Variants in AGBL1 observed in about 807,000 individuals in gnomAD.
The protein encoded by AGBL1 is cytosolic carboxypeptidase 4.
In AGBL1, 130 loss-of-function variants were observed where a neutral mutation model predicts 118.9. The ratio of observed to expected loss-of-function variants is 1.09; its 90% confidence interval spans 0.95 to 1.26. AGBL1 has a LOEUF of 1.26. Ranked by LOEUF, AGBL1 falls within the 50% of genes most tolerant of loss-of-function variation. AGBL1 has a pLI of 0.00. For synonymous variants in AGBL1, 555 were observed against 478.9 expected (o/e 1.16, Z -2.08); for missense variants, 1,584 against 1,298.1 (o/e 1.22, Z -3.38).
At chr15:86,284,231 T>C (rs1750519864) in intron 16 of AGBL1, among the ~76,000 whole-genome samples, 1 of 151,132 alleles carries the variant, frequency 6.6e-6, no homozygotes, top group African/African-American at 2.4e-5. Flanking sequence ...CCTCAAAAAT[T>C]ACAAAGGCTA....
intron 21 of AGBL1, among the ~76,000 whole-genome samples, chr15:86,625,373 TTTTTTGTTTTTG>T (rs1307122246): frequency 0.026 from 1,197 of 46,300 alleles, 111 homozygotes; most frequent in African/African-American, 0.085. Flanking sequence ...GCGTTTTTTT[TTTTTTGTTTTTG>T]TTTTTTTTTT....
At chr15:86,087,147 T>C (rs565260817) in intron 1 of AGBL1, among the ~76,000 whole-genome samples, 3 of 152,306 alleles carry the variant, frequency 2.0e-5, no homozygotes, top group South Asian at 4.1e-4. Flanking sequence ...ACATATTTGT[T>C]AGTTGAAAGT....
At chr15:86,718,005 GAGGTGGA>G (rs1186602646) in intron 22 of AGBL1, among the ~76,000 whole-genome samples, 1 of 152,202 alleles carries the variant, frequency 6.6e-6, no homozygotes, top group African/African-American at 2.4e-5. Flanking sequence ...TTGAACCTGG[GAGGTGGA>G]GGTTGCAGTA....
intron 21 of AGBL1, among the ~76,000 whole-genome samples, chr15:86,643,407 C>A (rs1401468851): frequency 2.0e-5 from 3 of 152,084 alleles, no homozygotes; most frequent in Non-Finnish European, 4.4e-5. Context: ...TTTTTAATCT[C>A]CTATATGCCC....
At chr15:86,590,197 G>C (rs1260088488) in intron 21 of AGBL1, among the ~76,000 whole-genome samples, 3 of 152,108 alleles carry the variant, frequency 2.0e-5, no homozygotes, top group Non-Finnish European at 2.9e-5. Context: ...ATTATGGGAG[G>C]GAGAGAAGAG....
At chr15:86,618,495 C>A (rs534525346) in intron 21 of AGBL1, among the ~76,000 whole-genome samples, 1 of 152,196 alleles carries the variant, frequency 6.6e-6, no homozygotes, top group Admixed American at 6.5e-5. Flanking sequence ...GATCTCTGGG[C>A]TCTAGCTCCA....
intron 22 of AGBL1, among the ~76,000 whole-genome samples, chr15:86,768,607 GGGAAGCC>G (rs1226751159): frequency 6.6e-6 from 1 of 151,918 alleles, no homozygotes; most frequent in East Asian, 1.9e-4. Context: ...CAGCAACGTA[GGGAAGCC>G]TGACCTGACA....
chr15:86,174,947 A>T (rs1372976366), intron 5 of AGBL1, among the ~76,000 whole-genome samples: 1 of 151,906 alleles, frequency 6.6e-6, no homozygotes, highest in Non-Finnish European at 1.5e-5. Flanking sequence ...TTCATTAGGG[A>T]TATTGATCTA....
At chr15:86,292,147 G>C (rs1055890283) in intron 16 of AGBL1, among the ~76,000 whole-genome samples, 3 of 152,158 alleles carry the variant, frequency 2.0e-5, no homozygotes, top group Non-Finnish European at 2.9e-5. Context: ...AGGGGACTTT[G>C]AAGATGTGAT....
At chr15:87,002,453 C>T (rs1162635313) in intron 24 of AGBL1, among the ~76,000 whole-genome samples, 1 of 151,880 alleles carries the variant, frequency 6.6e-6, no homozygotes, top group Non-Finnish European at 1.5e-5. Context: ...ATTGACTTGG[C>T]AATGTGGGCT....
chr15:86,123,652 G>A (rs1005962135), intron 1 of AGBL1, among the ~76,000 whole-genome samples: 1 of 152,152 alleles, frequency 6.6e-6, no homozygotes, highest in African/African-American at 2.4e-5. Context: ...CCTATGACCT[G>A]GAAGCCCCTG....
chr15:86,782,757 T>G (rs1267721304), intron 22 of AGBL1, among the ~76,000 whole-genome samples: 1 of 152,230 alleles, frequency 6.6e-6, no homozygotes, highest in African/African-American at 2.4e-5. Flanking sequence ...AAAACATTTT[T>G]ATAAATGTTG....
chr15:86,802,815 C>G (rs1198095165), intron 22 of AGBL1, among the ~76,000 whole-genome samples: 2 of 152,112 alleles, frequency 1.3e-5, no homozygotes, highest in African/African-American at 4.8e-5. Context: ...CCTCAGTCAT[C>G]CACTAATTAC....
In AGBL1 at chr15:86,974,432, AAATATAAACATATTTTATATATTG is replaced by A. The variant is rs1255052106; in HGVS notation, c.3222-13498_3222-13475del. Among the ~76,000 whole-genome samples, 145 of 106,660 alleles carry A rather than the reference AAATATAAACATATTTTATATATTG, an allele frequency of 1.4e-3. 2 individuals are homozygous for A. In the South Asian group the frequency reaches 0.014, roughly 10 times the overall value. 70.0% of individuals were successfully genotyped at this position (106,660 alleles called of 152,430 possible). ...TAAATATAAACATATTTTATATATT[AAATATAAACATATTTTATATATTG>A]AATATAAACATATTTTATATATTGA... On this transcript the variant is annotated intron_variant, in intron 23 of 24. Transcript: ENST00000441037.
At chr15:86,154,165 A>C (rs2077155990) in intron 3 of AGBL1, among the ~76,000 whole-genome samples, 1 of 152,202 alleles carries the variant, frequency 6.6e-6, no homozygotes, top group African/African-American at 2.4e-5. Context: ...ACTGTGGTTA[A>C]TGTATGAGGA....
intron 1 of AGBL1, among the ~76,000 whole-genome samples, chr15:86,086,899 T>C (rs534266257): frequency 1.3e-5 from 2 of 152,314 alleles, no homozygotes; most frequent in African/African-American, 4.8e-5. Flanking sequence ...TTTGGGGCTA[T>C]AATGAAATAG....
chr15:86,947,454 A>G (rs1434980399), intron 23 of AGBL1, among the ~76,000 whole-genome samples: 6 of 152,214 alleles, frequency 3.9e-5, no homozygotes, highest in Admixed American at 2.6e-4. Context: ...CTATGACTCA[A>G]TCATTTGCAG....
chr15:86,509,634 G>T (rs887427148), intron 18 of AGBL1, among the ~76,000 whole-genome samples: 4 of 151,880 alleles, frequency 2.6e-5, no homozygotes, highest in African/African-American at 9.7e-5. Context: ...ATTTATATAG[G>T]AGATAATAAA....
At chr15:86,217,944 C>G (rs1193638297) in intron 5 of AGBL1, among the ~76,000 whole-genome samples, 3 of 152,172 alleles carry the variant, frequency 2.0e-5, no homozygotes, top group Non-Finnish European at 4.4e-5. Flanking sequence ...GACTGGAGAA[C>G]AGCTTGAAGG....
Sources: allele counts gnomAD v4.1 joint callset (sites outside exome capture counted in the v4.1 genomes callset), GRCh38; gene constraint gnomAD v4.1.1; transcripts MANE v1.5; gene names NCBI Gene and HGNC (gene_info 2026-07-23, HGNC 2026-07-21).